Variants in STK3 observed in about 807,000 individuals in gnomAD.
The protein encoded by STK3 is serine/threonine-protein kinase 3.
Under a neutral mutation model 58.0 loss-of-function variants are expected in STK3, and 41 were observed. The ratio of observed to expected loss-of-function variants is 0.71; its 90% confidence interval spans 0.55 to 0.92. The LOEUF (loss-of-function observed/expected upper bound fraction) is 0.92, where lower values mean the gene tolerates loss of function less well. STK3 is among the 40% of genes least tolerant of loss of function. The probability of loss-of-function intolerance (pLI) is 0.00; values close to 1 mark genes in which losing one functional copy is unlikely to be tolerated. For missense variants in STK3, 479 were observed against 602.7 expected (o/e 0.79, Z 2.15); for synonymous variants, 170 against 191.0 (o/e 0.89, Z 0.91).
intron 1 of STK3, among the ~76,000 whole-genome samples, chr8:98,896,394 C>T (rs1220077578): frequency 6.6e-6 from 1 of 152,162 alleles, no homozygotes; most frequent in Non-Finnish European, 1.5e-5. Context: ...CAAACTAGTG[C>T]TGTGCTGTAG....
At chr8:98,895,954 C>A (rs1838427725) in intron 1 of STK3, among the ~76,000 whole-genome samples, 1 of 152,114 alleles carries the variant, frequency 6.6e-6, no homozygotes. Flanking sequence ...AGGCATAATT[C>A]TCTACCCTCG....
intron 6 of STK3, among the ~76,000 whole-genome samples, chr8:98,627,878 G>T (rs919893227): frequency 5.3e-5 from 8 of 152,158 alleles, no homozygotes; most frequent in Non-Finnish European, 7.4e-5. Flanking sequence ...TATGAGGTTG[G>T]AGTCTAATTT....
intron 4 of STK3, among the ~76,000 whole-genome samples, chr8:98,720,411 C>G (rs1827313703): frequency 6.6e-6 from 1 of 152,148 alleles, no homozygotes; most frequent in African/African-American, 2.4e-5. Context: ...TTCCATCCCA[C>G]CACTGCCAGA....
intron 1 of STK3, among the ~76,000 whole-genome samples, chr8:98,895,195 T>C (rs1339409662): frequency 6.6e-6 from 1 of 152,142 alleles, no homozygotes; most frequent in Non-Finnish European, 1.5e-5. Flanking sequence ...GCGCAATGTT[T>C]CTCAACTGTT....
intron 4 of STK3, among the ~76,000 whole-genome samples, chr8:98,731,731 A>C (rs958146621): frequency 2.6e-5 from 4 of 151,912 alleles, no homozygotes; most frequent in African/African-American, 9.7e-5. Context: ...TCAAAAAAAA[A>C]AAAAAAAAAA....
chr8:98,762,440 G>C (rs748487306), intron 3 of STK3, among the ~76,000 whole-genome samples: 38 of 152,154 alleles, frequency 2.5e-4, no homozygotes, highest in Non-Finnish European at 5.0e-4. Context: ...ATTTTTAGTA[G>C]AGACGGGGTT....
At chr8:98,447,141 AGGC>A (rs1236220014) in intron 1 of STK3, among the ~76,000 whole-genome samples, 5 of 152,144 alleles carry the variant, frequency 3.3e-5, no homozygotes, top group Admixed American at 2.6e-4. Flanking sequence ...ATTGGGTACT[AGGC>A]TTAGTACCTG....
intron 6 of STK3, among the ~76,000 whole-genome samples, chr8:98,689,238 T>C (rs1445603702): frequency 6.6e-6 from 1 of 151,656 alleles, no homozygotes; most frequent in African/African-American, 2.4e-5. Context: ...GACCAACAAG[T>C]AACAAGATTC....
At position 98,761,470 on chromosome 8, in the gene STK3, A is replaced by G. The variant is rs920761542; in HGVS notation, c.236+5773T>C. Among the ~76,000 whole-genome samples the G allele has an allele frequency of 6.6e-5, 10 of 152,344 alleles. No individual in the cohort carries two copies. The South Asian group carries it at 1.2e-3, about 19-fold the overall frequency. ...GTAACTTGAATTTCATTCTAATTGA[A>G]GAAAACCATATATAGCTAAAGGTAT... On this transcript the variant is annotated intron_variant, in intron 3 of 10. Transcript: ENST00000419617.
At chr8:98,611,603 T>G (rs1392057371) in intron 6 of STK3, among the ~76,000 whole-genome samples, 1 of 152,184 alleles carries the variant, frequency 6.6e-6, no homozygotes, top group Non-Finnish European at 1.5e-5. Flanking sequence ...ATTCATATAT[T>G]AGTTTCTAAC....
At chr8:98,877,625 A>G (rs1311062881) in intron 3 of STK3, among the ~76,000 whole-genome samples, 1 of 152,126 alleles carries the variant, frequency 6.6e-6, no homozygotes, top group Admixed American at 6.5e-5. Context: ...CTGGGATTAT[A>G]GGCATATGCC....
chr8:98,687,574 A>G (rs1464495414), intron 6 of STK3, among the ~76,000 whole-genome samples: 2 of 152,222 alleles, frequency 1.3e-5, no homozygotes, highest in African/African-American at 2.4e-5. Flanking sequence ...TCAGACTAAC[A>G]GTAGACTTCT....
chr8:98,906,945 C>T (rs898793010), intron 1 of STK3, among the ~76,000 whole-genome samples: 2 of 149,274 alleles, frequency 1.3e-5, no homozygotes, highest in East Asian at 2.0e-4. Flanking sequence ...ACCAGGAGTT[C>T]GAGACCAGCC....
chr8:98,397,411 T>C (rs1355581750), downstream of STK3, among the ~76,000 whole-genome samples: 1 of 151,982 alleles, frequency 6.6e-6, no homozygotes, highest in Non-Finnish European at 1.5e-5. Context: ...TAGCAGGTGC[T>C]TGTGGTCCCA....
At chr8:98,451,897 AAC>A (rs1491030988), downstream of STK3, among the ~76,000 whole-genome samples, 2 of 123,040 alleles carry the variant, frequency 1.6e-5, no homozygotes, top group Admixed American at 8.3e-5. Context: ...AAAAAAAAAA[AAC>A]AAAAAAAAAA....
chr8:98,810,278 C>A (rs1318691698), intron 1 of STK3, among the ~76,000 whole-genome samples: 2 of 152,002 alleles, frequency 1.3e-5, no homozygotes, highest in East Asian at 1.9e-4. Flanking sequence ...AGGTATATAC[C>A]CAGAAGTGGA....
chr8:98,544,694 A>G (rs1810560055), intron 9 of STK3, among the ~76,000 whole-genome samples: 1 of 139,538 alleles, frequency 7.2e-6, no homozygotes, highest in African/African-American at 2.7e-5. Context: ...ACACACACAC[A>G]CAGCTTGACT....
intron 3 of STK3, among the ~76,000 whole-genome samples, chr8:98,395,249 T>G (rs1245767983): frequency 6.6e-6 from 1 of 152,116 alleles, no homozygotes; most frequent in African/African-American, 2.4e-5. Flanking sequence ...AAAAAAAAAC[T>G]ATCAATGTTG....
chr8:98,410,586 AACCAAAT>A (rs1417568770), intron 3 of STK3, among the ~76,000 whole-genome samples: 1 of 152,236 alleles, frequency 6.6e-6, no homozygotes, highest in African/African-American at 2.4e-5. Flanking sequence ...ATAGATGAAT[AACCAAAT>A]TGGCACTAAT....
Sources: gnomAD v4.1 joint callset for allele counts (sites outside exome capture counted in the v4.1 genomes callset) on GRCh38, gnomAD v4.1.1 for gene constraint, MANE v1.5 for transcripts, NCBI Gene and HGNC (gene_info 2026-07-23, HGNC 2026-07-21) for gene names.